SH3BP4: variants seen among roughly 807,000 people sequenced by gnomAD.
SH3BP4 encodes the protein SH3 domain binding protein 4.
A neutral mutation model predicts 65.5 loss-of-function variants in SH3BP4; 33 were observed. The ratio of observed to expected loss-of-function variants is 0.50; its 90% CI spans 0.38 to 0.67. SH3BP4 has a LOEUF of 0.67. SH3BP4 is among the 30% of genes least tolerant of loss of function. SH3BP4 has a pLI of 0.00. For synonymous variants in SH3BP4, 552 were observed against 545.5 expected (o/e 1.01, Z -0.17); for missense variants, 1,134 against 1,261.4 (o/e 0.90, Z 1.53).
chr2:235,010,395 G>C (rs1694442634), intron 2 of SH3BP4, among the ~76,000 whole-genome samples: 1 of 152,226 alleles, frequency 6.6e-6, no homozygotes, highest in African/African-American at 2.4e-5. Context: ...ACTCGGTCCA[G>C]CTGTTTGGTG....
In SH3BP4 at chr2:234,996,286, C is replaced by G. The variant is rs1693917197; in HGVS notation, c.-133+910C>G. Among the ~76,000 whole-genome samples the G allele has an allele frequency of 2.0e-5, 3 of 152,320 alleles. No homozygotes were observed. The South Asian group carries it at 6.2e-4, about 32-fold the overall frequency. ...ATTTTAAAAGCCCTTCTAAATAAAGCAGGCAGCTACTTGCACTGTTTCAGG... is the reference window on the plus strand; with the variant it reads ...ATTTTAAAAGCCCTTCTAAATAAAGGAGGCAGCTACTTGCACTGTTTCAGG... On this transcript the variant is annotated intron_variant, in intron 2 of 5. Coordinates refer to ENST00000392011, the MANE Select transcript of SH3BP4 (RefSeq NM_014521.3).
At position 234,970,115 on chromosome 2, in the gene SH3BP4, A is replaced by T. The variant is rs542615756; in HGVS notation, c.-207+17945A>T. 3.0e-3 allele frequency among the ~76,000 whole-genome samples: 447 copies of T among 150,150 alleles called. 2 individuals carry two copies. Among genetic ancestry groups the T allele is most frequent in the Middle Eastern group, 0.01 (3 of 288 alleles). On this transcript the variant is annotated intron_variant, in intron 1 of 5. Coordinates refer to ENST00000392011, the MANE Select transcript of SH3BP4 (RefSeq NM_014521.3). ...CTCACAAATACACTCACTCACACAC[A>T]CTCTCACACTCTTACACACACACTC...
At chr2:235,027,514 G>T (rs1264317222) in intron 2 of SH3BP4, among the ~76,000 whole-genome samples, 1 of 152,232 alleles carries the variant, frequency 6.6e-6, no homozygotes, top group Non-Finnish European at 1.5e-5. Flanking sequence ...GAGCAGATGT[G>T]ATGAGTTTCC....
At chr2:235,044,449 G>A (rs1166757454) in intron 4 of SH3BP4, among the ~76,000 whole-genome samples, 3 of 152,232 alleles carry the variant, frequency 2.0e-5, no homozygotes, top group African/African-American at 4.8e-5. Flanking sequence ...GGTGTTTGTG[G>A]TGGAGAGTCC....
chr2:235,039,723 G>A (rs1363455580), intron 3 of SH3BP4, among the ~76,000 whole-genome samples: 1 of 152,106 alleles, frequency 6.6e-6, no homozygotes, highest in Non-Finnish European at 1.5e-5. Context: ...TTGTTTGGCT[G>A]ACTTATTTTT....
At chr2:235,004,069 G>A (rs1428629346) in intron 2 of SH3BP4, among the ~76,000 whole-genome samples, 1 of 152,178 alleles carries the variant, frequency 6.6e-6, no homozygotes, top group Non-Finnish European at 1.5e-5. Flanking sequence ...TGTTGGTGGC[G>A]TTTTTCCTGT....
chr2:234,957,575 T>TAGAA (rs1692615451), intron 1 of SH3BP4, among the ~76,000 whole-genome samples: 1 of 150,334 alleles, frequency 6.7e-6, no homozygotes, highest in South Asian at 2.1e-4. Context: ...CCAGCAAGAG[T>TAGAA]AGAAGGCTTC....
chr2:235,041,148 A>G lies in SH3BP4; in HGVS notation c.379A>G (p.Asn127Asp). The change falls in exon 4 of 6, where the codon AAT (asparagine) becomes GAT (aspartate). Residue 127 changes from asparagine (N) to aspartate (D), a missense_variant. Physicochemically the swap from Asn to Asp is conservative, Grantham distance 23. Coordinates refer to ENST00000392011, the MANE Select transcript of SH3BP4 (RefSeq NM_014521.3). The surrounding 1 kb of genome is among the most constrained non-coding windows in gnomAD (Gnocchi z 6.0). ...STLSDSGMID[N>D]LPDSPDEVAK... ...ACTGAGTGACAGCGGTATGATTGAT[A>G]ATCTTCCAGACAGCCCAGACGAGGT... 6.2e-7 allele frequency: 1 copy of G among 1,614,154 alleles called. No homozygotes were observed. Among genetic ancestry groups the G allele is most frequent in the Non-Finnish European group, 8.5e-7 (1 of 1,180,028 alleles).
intron 4 of SH3BP4, among the ~76,000 whole-genome samples, chr2:235,049,640 A>C (rs1320382922): frequency 6.6e-6 from 1 of 152,220 alleles, no homozygotes; most frequent in Non-Finnish European, 1.5e-5. Flanking sequence ...GTCAACATTT[A>C]ATTTTTTAAA....
At chr2:234,963,569 C>T (rs1401487511) in intron 1 of SH3BP4, among the ~76,000 whole-genome samples, 1 of 152,160 alleles carries the variant, frequency 6.6e-6, no homozygotes, top group African/African-American at 2.4e-5. Context: ...AATGTTGATG[C>T]CTTAAACGCA....
chr2:234,981,887 G>T (rs959987628), intron 1 of SH3BP4, among the ~76,000 whole-genome samples: 2 of 152,020 alleles, frequency 1.3e-5, no homozygotes, highest in African/African-American at 4.8e-5. Flanking sequence ...GCTCTTTAGT[G>T]GGAAGCAAAT....
chr2:234,983,894 T>C (rs1693466531), intron 1 of SH3BP4, among the ~76,000 whole-genome samples: 1 of 152,234 alleles, frequency 6.6e-6, no homozygotes. Flanking sequence ...GTCAGCCCAG[T>C]GGGCCTGGTT....
intron 2 of SH3BP4, among the ~76,000 whole-genome samples, chr2:235,020,192 G>C (rs914355182): frequency 6.6e-6 from 1 of 152,170 alleles, no homozygotes; most frequent in East Asian, 1.9e-4. Flanking sequence ...AAAATGCCTA[G>C]ATATAGAAAT....
intron 1 of SH3BP4, among the ~76,000 whole-genome samples, chr2:234,970,690 G>C (rs1692976145): frequency 1.3e-5 from 2 of 152,222 alleles, no homozygotes; most frequent in South Asian, 4.1e-4. Context: ...GCTAATTCCA[G>C]CTAATTGGGG....
chr2:234,984,816 G>A (rs1042351002), intron 1 of SH3BP4, among the ~76,000 whole-genome samples: 1 of 151,612 alleles, frequency 6.6e-6, no homozygotes, highest in Admixed American at 6.6e-5. Context: ...GGGTGCTGAT[G>A]TTTTCGGGGA....
At chr2:235,010,835 CT>C (rs1694465427) in intron 2 of SH3BP4, among the ~76,000 whole-genome samples, 1 of 136,532 alleles carries the variant, frequency 7.3e-6, no homozygotes, top group Non-Finnish European at 1.7e-5. Flanking sequence ...CCTCCCTCTC[CT>C]AGGAGAACCC....
intron 2 of SH3BP4, among the ~76,000 whole-genome samples, chr2:234,996,375 C>T (rs2106276577): frequency 1.3e-5 from 2 of 152,328 alleles, no homozygotes; most frequent in East Asian, 3.9e-4. Flanking sequence ...TCTCCCCCCA[C>T]CCTTTCTGTC....
intron 1 of SH3BP4, among the ~76,000 whole-genome samples, chr2:234,956,893 T>C (rs1344219559): frequency 6.6e-6 from 1 of 152,128 alleles, no homozygotes; most frequent in Non-Finnish European, 1.5e-5. Flanking sequence ...AGGAAGCTTT[T>C]CTAGCCCCTC....
At chr2:234,985,624 A>G (rs1204684291) in intron 1 of SH3BP4, among the ~76,000 whole-genome samples, 1 of 152,064 alleles carries the variant, frequency 6.6e-6, no homozygotes, top group Non-Finnish European at 1.5e-5. Flanking sequence ...GCGCACAGAT[A>G]TTTTTGACCC....
Sources: allele counts gnomAD v4.1 joint callset (sites outside exome capture counted in the v4.1 genomes callset), GRCh38; gene constraint gnomAD v4.1.1; non-coding constraint Gnocchi (gnomAD v3.1); transcripts MANE v1.5; gene names NCBI Gene and HGNC (gene_info 2026-07-23, HGNC 2026-07-21).